BMP2: variants seen among roughly 807,000 people sequenced by gnomAD.
BMP2 encodes bone morphogenetic protein 2A.
BMP2 carries 2 observed loss-of-function variants against 28.8 expected under a neutral mutation model. The observed-to-expected ratio is 0.07, with a 90% CI of 0.03 to 0.22. BMP2 has a LOEUF of 0.22. Ranked by LOEUF, BMP2 falls within the 10% of genes least tolerant of loss-of-function variation. The pLI is 1.00. For synonymous variants in BMP2, 218 were observed against 204.3 expected, an observed-to-expected ratio of 1.07 and a Z score of -0.57; for missense variants, 437 against 517.7, an observed-to-expected ratio of 0.84 and a Z score of 1.51.
chr20:6,770,524 C>T (rs754188576), intron 2 of BMP2, 52 bp downstream of exon 2: 12 of 1,502,216 alleles, frequency 8.0e-6, no homozygotes, highest in Non-Finnish European at 1.1e-5. Flanking sequence ...CAAAGCCCTC[C>T]ACCGTGGGCA....
In BMP2 at chr20:6,770,293, G is replaced by C; in HGVS notation, c.167G>C (p.Arg56Pro). The change falls in exon 2 of 3, where the codon CGG becomes CCG. Residue 56 changes from arginine (R) to proline (P), a missense_variant. Physicochemically the swap from Arg to Pro is moderately radical, Grantham distance 103. Around this residue, in one of 2 missense-constraint regions of BMP2, gnomAD observed 363 missense variants for 392.8 expected, o/e 0.92. Coordinates refer to ENST00000378827, the MANE Select transcript of BMP2 (RefSeq NM_001200.4). ...GAGGTCCTGAGCGAGTTCGAGTTGC[G>C]GCTGCTCAGCATGTTCGGCCTGAAA... ...SDEVLSEFELRLLSMFGLKQR... is the reference protein window; with the variant it reads ...SDEVLSEFELPLLSMFGLKQR... The C allele has an allele frequency of 3.7e-6, 6 of 1,613,302 alleles. 1 individual carries two copies. Among genetic ancestry groups the C allele is most frequent in the South Asian group, 2.2e-5 (2 of 91,034 alleles).
In BMP2 at chr20:6,767,750, G is replaced by A. The variant is rs1307313345; in HGVS notation, c.-1133G>A. On this transcript the variant is annotated 5_prime_UTR_variant, in exon 1 of 3. Transcript: ENST00000378827. ...CCGCGCTGCGCCCGGCTCGCGCTGC[G>A]CTAGTCGCTCCGCTTCCCACACCCC... 5 of 201,530 alleles carry A rather than the reference G, an allele frequency of 2.5e-5. No individual in the cohort carries two copies. In the East Asian group the frequency reaches 4.8e-4, roughly 19 times the overall value. The allele number at this position is 201,530 out of a possible 1,614,324, so 12.5% of individuals were successfully genotyped here. A position where few individuals can be genotyped will look rare whatever the true frequency, so the allele number is the denominator to read the frequency against.
intron 2 of BMP2, among the ~76,000 whole-genome samples, chr20:6,774,765 C>T (rs554837081): frequency 2.6e-5 from 4 of 152,284 alleles, no homozygotes; most frequent in Middle Eastern, 3.4e-3. Flanking sequence ...AAAAAGCATT[C>T]AGCTGTCATT....
chr20:6,771,974 G>T (rs1330213715), intron 2 of BMP2, among the ~76,000 whole-genome samples: 1 of 151,990 alleles, frequency 6.6e-6, no homozygotes, highest in Admixed American at 6.5e-5. Flanking sequence ...TTTTGTATAG[G>T]AATGTAATAA....
chr20:6,769,188 G>T (rs1221674410), intron 1 of BMP2, among the ~76,000 whole-genome samples: 2 of 151,594 alleles, frequency 1.3e-5, no homozygotes, highest in Non-Finnish European at 2.9e-5. Flanking sequence ...AACTTTTTTG[G>T]GTCAAAGAAA....
In BMP2 at chr20:6,778,749, C is replaced by T. The variant is rs746647623; in HGVS notation, c.851C>T (p.Ala284Val). Residue 284 changes from alanine to valine, a missense_variant, in exon 3 of 3, where the codon GCC becomes GTC. Around this residue, in one of 2 missense-constraint regions of BMP2, gnomAD observed 363 missense variants for 392.8 expected, o/e 0.92. Transcript: ENST00000378827. This position sits in a 1 kb window ranked among gnomAD's most constrained non-coding sequence, Gnocchi z 5.0. ...HPLHKREKRQ[A>V]KHKQRKRLKS... is the part of the protein sequence containing the mutation. ...CTCCACAAAAGAGAAAAACGTCAAGCCAAACACAAACAGCGGAAACGCCTT... is the reference window on the plus strand; with the variant it reads ...CTCCACAAAAGAGAAAAACGTCAAGTCAAACACAAACAGCGGAAACGCCTT... 2.5e-6 allele frequency: 4 copies of T among 1,614,154 alleles called. No homozygotes were observed. The highest frequency in any genetic ancestry group is 2.5e-6 in the Non-Finnish European group (3 of 1,180,032).
chr20:6,775,063 C>G (rs1171245270), intron 2 of BMP2, among the ~76,000 whole-genome samples: 1 of 152,060 alleles, frequency 6.6e-6, no homozygotes, highest in African/African-American at 2.4e-5. Context: ...AAAGACAGGT[C>G]GAAATCCTCA....
At chr20:6,774,850 T>C (rs1368212513) in intron 2 of BMP2, among the ~76,000 whole-genome samples, 1 of 152,226 alleles carries the variant, frequency 6.6e-6, no homozygotes, top group East Asian at 1.9e-4. Flanking sequence ...GGACCTAGGC[T>C]GACTGAGAGA....
At chr20:6,776,232 C>T (rs557186079) in intron 2 of BMP2, among the ~76,000 whole-genome samples, 1 of 152,194 alleles carries the variant, frequency 6.6e-6, no homozygotes, top group East Asian at 1.9e-4. Flanking sequence ...CATTAGCTTC[C>T]AGTGGAGTTT....
chr20:6,770,036 C>A, intron 1 of BMP2, 84 bp from the exon 2 acceptor site: 1 of 1,395,034 alleles, frequency 7.2e-7, no homozygotes, highest in East Asian at 2.5e-5. Flanking sequence ...GGCACGCCAG[C>A]CAAATGGGAG....
At position 6,778,546 on chromosome 20, in the gene BMP2, G is replaced by C. The variant is rs895863242; in HGVS notation, c.648G>C (p.Trp216Cys). Residue 216 changes from tryptophan to cysteine, a missense_variant, in exon 3 of 3, where the codon TGG becomes TGC. This residue lies in a region of BMP2 where 363 missense variants were observed against 392.8 expected (regional missense o/e 0.92). Coordinates refer to ENST00000378827, the MANE Select transcript of BMP2 (RefSeq NM_001200.4). The surrounding 1 kb of genome is among the most constrained non-coding windows in gnomAD (Gnocchi z 5.0). ...SFDVTPAVMRWTAQGHANHGF... is the reference protein window; with the variant it reads ...SFDVTPAVMRCTAQGHANHGF... ...ATGTCACCCCCGCTGTGATGCGGTG[G>C]ACTGCACAGGGACACGCCAACCATG... 2 of 1,614,068 alleles carry C rather than the reference G, an allele frequency of 1.2e-6. No homozygotes were observed. Among genetic ancestry groups the C allele is most frequent in the African/African-American group, 2.7e-5 (2 of 74,928 alleles).
At chr20:6,770,054 C>T in intron 1 of BMP2, 66 bp from the exon 2 acceptor site, 1 of 1,451,992 alleles carries the variant, frequency 6.9e-7, no homozygotes, top group Non-Finnish European at 9.1e-7. Flanking sequence ...GAGACCGGGC[C>T]GCGGGGGCGC....
Position 6,770,395 on chromosome 20 carries a change from C to T in BMP2, c.269C>T (p.Pro90Leu), listed in dbSNP as rs1986372143. The T allele has an allele frequency of 1.2e-6, 2 of 1,612,534 alleles. No individual in the cohort carries two copies. Among genetic ancestry groups the T allele is most frequent in the Non-Finnish European group, 1.7e-6 (2 of 1,179,582 alleles). Residue 90 changes from proline (P) to leucine (L), a missense_variant, in exon 2 of 3, where the codon CCG becomes CTG. This residue lies in a region of BMP2 where 363 missense variants were observed against 392.8 expected (regional missense o/e 0.92). Transcript: ENST00000378827. ...LDLYRRHSGQ[P>L]GSPAPDHRLE... Reference sequence around the variant, plus strand: ...CTGTATCGCAGGCACTCAGGTCAGCCGGGCTCACCCGCCCCAGACCACCGG... The same window carrying T: ...CTGTATCGCAGGCACTCAGGTCAGCTGGGCTCACCCGCCCCAGACCACCGG...
rs1016849542 is a variant in BMP2 at position 6,768,441 on chromosome 20, G to A, written c.-442G>A. ...CGGAGCCGGCCCCGCGCGGGGCCAC[G>A]CGTCCCTCGGGCGCTGGTTCCTAAG... On this transcript the variant is annotated 5_prime_UTR_variant, in exon 1 of 3. Coordinates refer to ENST00000378827, the MANE Select transcript of BMP2 (RefSeq NM_001200.4). 7.4e-5 allele frequency: 29 copies of A among 392,580 alleles called. No homozygotes were observed. In the Admixed American group the frequency reaches 8.0e-4, roughly 11 times the overall value. 24.3% of individuals were successfully genotyped at this position (392,580 alleles called of 1,614,324 possible).
chr20:6,779,849 A>T lies in BMP2; in HGVS notation c.*760A>T, dbSNP rs1986589640. ...ATAGAAATAATTAGGAAAACGATGA[A>T]CCTGCAGGAAAGTGAATGATGGTTT... On this transcript the variant is annotated 3_prime_UTR_variant, in exon 3 of 3. Transcript: ENST00000378827. 6.6e-6 allele frequency: 1 copy of T among 152,338 alleles called. No individual in the cohort carries two copies. Among genetic ancestry groups the T allele is most frequent in the Non-Finnish European group, 1.5e-5 (1 of 68,052 alleles). The allele number at this position is 152,338 out of a possible 1,614,324, so 9.4% of individuals were successfully genotyped here.
At chr20:6,775,547 C>T (rs935761624) in intron 2 of BMP2, among the ~76,000 whole-genome samples, 5 of 151,994 alleles carry the variant, frequency 3.3e-5, no homozygotes, top group Non-Finnish European at 5.9e-5. Flanking sequence ...CTTAAGGCCA[C>T]TAACTGATTC....
At chr20:6,773,674 T>A (rs1986443483) in intron 2 of BMP2, among the ~76,000 whole-genome samples, 1 of 152,240 alleles carries the variant, frequency 6.6e-6, no homozygotes, top group Non-Finnish European at 1.5e-5. Flanking sequence ...ATTCCTTTAT[T>A]TGCCATTCCC....
In BMP2 at chr20:6,770,827, G is replaced by C. The variant is rs528922015; in HGVS notation, c.346+355G>C. ...ACAGAGGGAAAAGGAGAAAAAGGGA[G>C]GCAGATTGAGATTTCTTTAAGTCTG... On this transcript the variant is annotated intron_variant, in intron 2 of 2. Coordinates refer to ENST00000378827, the MANE Select transcript of BMP2 (RefSeq NM_001200.4). 2.0e-5 allele frequency among the ~76,000 whole-genome samples: 3 copies of C among 152,312 alleles called. No homozygotes were observed. The Middle Eastern group carries it at 0.01, about 518-fold the overall frequency.
intron 2 of BMP2, among the ~76,000 whole-genome samples, chr20:6,776,794 C>T (rs1459117502): frequency 6.6e-6 from 1 of 152,218 alleles, no homozygotes; most frequent in Non-Finnish European, 1.5e-5. Flanking sequence ...ATGATGAAGG[C>T]TTACACGGGT....
Sources: allele counts gnomAD v4.1 joint callset (sites outside exome capture counted in the v4.1 genomes callset), GRCh38; gene constraint gnomAD v4.1.1; regional missense constraint gnomAD v4.1.1; non-coding constraint Gnocchi (gnomAD v3.1); transcripts MANE v1.5; gene names NCBI Gene and HGNC (gene_info 2026-07-23, HGNC 2026-07-21).